The following VWA3A variants were observed in gnomAD, a reference collection of about 807,000 sequenced individuals.
VWA3A encodes von Willebrand factor A domain-containing protein 3A.
A neutral mutation model predicts 160.4 loss-of-function variants in VWA3A; 134 were observed. The observed-to-expected ratio is 0.84, with a 90% confidence interval of 0.73 to 0.96. VWA3A has a LOEUF of 0.96. Among genes scored for constraint, VWA3A ranks in the 40% least tolerant of loss-of-function variants. The pLI, the probability that VWA3A is intolerant of heterozygous loss-of-function variation, is 0.00. For synonymous variants in VWA3A, 476 were observed against 543.4 expected (o/e 0.88, Z 1.72); for missense variants, 1,310 against 1,447.9 (o/e 0.90, Z 1.55).
chr16:22,145,610 C>T (rs1033850846), intron 26 of VWA3A, among the ~76,000 whole-genome samples: 5 of 149,420 alleles, frequency 3.3e-5, no homozygotes, highest in Non-Finnish European at 5.9e-5. Flanking sequence ...CTGCACTACA[C>T]AGCCTGGGCA....
At chr16:22,093,329 G>T (rs1250981681) in intron 1 of VWA3A, among the ~76,000 whole-genome samples, 2 of 152,128 alleles carry the variant, frequency 1.3e-5, no homozygotes, top group African/African-American at 2.4e-5. Context: ...TGTATTTACT[G>T]TTAAGTAAAT....
chr16:22,143,721 C>T (rs891505336), intron 25 of VWA3A, among the ~76,000 whole-genome samples: 6 of 150,826 alleles, frequency 4.0e-5, no homozygotes, highest in African/African-American at 7.3e-5. Flanking sequence ...TTGTTCTTCA[C>T]CCCCACTATT....
intron 31 of VWA3A, among the ~76,000 whole-genome samples, chr16:22,153,584 T>G (rs944017890): frequency 6.6e-6 from 1 of 152,112 alleles, no homozygotes; most frequent in Non-Finnish European, 1.5e-5. Flanking sequence ...ACTTCTGACT[T>G]AATAGGAAAA....
At chr16:22,152,177 C>G (rs557547028) in intron 30 of VWA3A, among the ~76,000 whole-genome samples, 1 of 152,230 alleles carries the variant, frequency 6.6e-6, no homozygotes, top group African/African-American at 2.4e-5. Context: ...TGCCACTGCA[C>G]TCCAGCCTGG....
In VWA3A at chr16:22,148,285, A is replaced by G. The variant is rs2142017997; in HGVS notation, c.2963A>G (p.Gln988Arg). Residue 988 changes from glutamine to arginine, a missense_variant, in exon 28 of 34, where the codon CAG (glutamine) becomes CGG (arginine). Gln to Arg is a conservative substitution (Grantham distance 43, BLOSUM62 1). Transcript: ENST00000389398. ...KTELVLLIWE[Q>R]LRKCCDSFNL... ...GAGCTGGTTTTGCTGATTTGGGAAC[A>G]GCTGCGGAAGTGCTGTGACAGGTAG... 1 of 1,596,970 alleles carries G rather than the reference A, an allele frequency of 6.3e-7. No individual in the cohort carries two copies. The highest frequency in any genetic ancestry group is 1.7e-5 in the Admixed American group (1 of 57,200).
chr16:22,143,749 CTTT>C lies in VWA3A; in HGVS notation c.2593-485_2593-483del, dbSNP rs555474217. On this transcript the variant is annotated intron_variant, in intron 25 of 33. Transcript: ENST00000389398. ...CCACTATTTCTTTCTTTCTTTCTTTCTTTTTTTTTTTTTTTGAGACAGAGTTTC... is the reference window on the plus strand; with the variant it reads ...CCACTATTTCTTTCTTTCTTTCTTTCTTTTTTTTTTTTGAGACAGAGTTTC... Among the ~76,000 whole-genome samples the C allele has an allele frequency of 9.5e-3, 1,205 of 127,282 alleles. 14 individuals carry two copies. Among genetic ancestry groups the C allele is most frequent in the African/African-American group, 0.028 (1,078 of 37,868 alleles). 83.5% of individuals were successfully genotyped at this position (127,282 alleles called of 152,430 possible). A position where few individuals can be genotyped will look rare whatever the true frequency, so the allele number is the denominator to read the frequency against.
In VWA3A at chr16:22,135,756, T is replaced by G. The variant is rs146954930; in HGVS notation, c.2139+1318T>G. Among the ~76,000 whole-genome samples, 57 of 152,296 alleles carry G rather than the reference T, an allele frequency of 3.7e-4. No individual in the cohort carries two copies. The East Asian group carries it at 9.6e-3, about 26-fold the overall frequency. ...TTCCCATCCCAGACCTTTCATGGCT[T>G]GCTCCTTATCATTAGTTAGGGTTTT... is the stretch of plus-strand genomic sequence containing the variant. On this transcript the variant is annotated intron_variant, in intron 21 of 33. Transcript: ENST00000389398.
chr16:22,127,775 T>C (rs2045876810), intron 17 of VWA3A, among the ~76,000 whole-genome samples: 1 of 152,116 alleles, frequency 6.6e-6, no homozygotes, highest in African/African-American at 2.4e-5. Flanking sequence ...ACAAAACTCA[T>C]CCTCGAGGAA....
rs2046445404 is a variant in VWA3A at position 22,156,622 on chromosome 16, C to A, written c.*605C>A. The A allele has an allele frequency of 6.6e-6, 1 of 152,242 alleles. No homozygotes were observed. Among genetic ancestry groups the A allele is most frequent in the Non-Finnish European group, 1.5e-5 (1 of 68,104 alleles). The allele number at this position is 152,242 out of a possible 1,614,324, so 9.4% of individuals were successfully genotyped here. A position where few individuals can be genotyped will look rare whatever the true frequency, so the allele number is the denominator to read the frequency against. ...CACATGGTGAACAGTGAGCAGGCGGCTGAGCTGTGAGAGCCTAGCTCTGGA... is the reference window on the plus strand; with the variant it reads ...CACATGGTGAACAGTGAGCAGGCGGATGAGCTGTGAGAGCCTAGCTCTGGA... On this transcript the variant is annotated 3_prime_UTR_variant, in exon 34 of 34. Transcript: ENST00000389398.
At chr16:22,111,044 C>A (rs1197175589) in intron 8 of VWA3A, 50 bp downstream of exon 8, 1 of 1,480,218 alleles carries the variant, frequency 6.8e-7, no homozygotes, top group Non-Finnish European at 9.2e-7. Context: ...CATTTTCCTC[C>A]CTAACCAGCA....
At position 22,110,883 on chromosome 16, in the gene VWA3A, A is replaced by G; in HGVS notation, c.583-5A>G. The G allele has an allele frequency of 6.2e-7, 1 of 1,601,190 alleles. No homozygotes were observed. Among genetic ancestry groups the G allele is most frequent in the Non-Finnish European group, 8.5e-7 (1 of 1,174,164 alleles). The stretch of plus-strand genomic sequence containing the variant: ...GGGAGCCAGTGATGTCCTTTTGTCC[A>G]ACAGAGCCTCATCGATGAGCAGCTG... On this transcript the variant is annotated splice_region_variant and splice_polypyrimidine_tract_variant and intron_variant, in intron 7 of 33. Transcript: ENST00000389398.
At chr16:22,140,618 T>C (rs1156915346) in intron 23 of VWA3A, among the ~76,000 whole-genome samples, 1 of 151,060 alleles carries the variant, frequency 6.6e-6, no homozygotes, top group Non-Finnish European at 1.5e-5. Context: ...CTTTTTTTTT[T>C]TTTTTTTTTT....
At chr16:22,131,117 C>A in intron 17 of VWA3A, 88 bp from the exon 18 acceptor site, 1 of 1,188,392 alleles carries the variant, frequency 8.4e-7, no homozygotes, top group Non-Finnish European at 1.2e-6. Flanking sequence ...AGAATTTTGT[C>A]CCCACTAAAA....
intron 6 of VWA3A, among the ~76,000 whole-genome samples, chr16:22,105,793 T>C (rs1286777038): frequency 6.6e-6 from 1 of 152,252 alleles, no homozygotes; most frequent in Non-Finnish European, 1.5e-5. Flanking sequence ...TCATGGCAGC[T>C]TGTTTTTAAT....
In VWA3A at chr16:22,114,823, A is replaced by G. The variant is rs566691573; in HGVS notation, c.690-524A>G. 8.5e-4 allele frequency among the ~76,000 whole-genome samples: 125 copies of G among 146,452 alleles called. 4 individuals carry two copies. The South Asian group carries it at 0.027, about 32-fold the overall frequency. On this transcript the variant is annotated intron_variant, in intron 8 of 33. Transcript: ENST00000389398. Reference sequence around the variant, plus strand: ...CTATTTTTTTTTTTTTTTTTGAGATAGAGTCTCACTCTGTTGCCCAGGCTG... The same window carrying G: ...CTATTTTTTTTTTTTTTTTTGAGATGGAGTCTCACTCTGTTGCCCAGGCTG...
intron 8 of VWA3A, 64 bp from the exon 9 acceptor site, chr16:22,115,283 A>G: frequency 6.7e-7 from 1 of 1,489,216 alleles, no homozygotes; most frequent in South Asian, 1.3e-5. Flanking sequence ...CTCTAAAAAG[A>G]AATTAAAATG....
At chr16:22,118,210 G>T (rs182770039) in intron 11 of VWA3A, among the ~76,000 whole-genome samples, 2 of 152,324 alleles carry the variant, frequency 1.3e-5, no homozygotes, top group East Asian at 3.9e-4. Flanking sequence ...GAGCTCAGGA[G>T]TTTGAGGCTG....
intron 14 of VWA3A, among the ~76,000 whole-genome samples, chr16:22,122,513 A>G (rs912380767): frequency 2.6e-4 from 39 of 152,274 alleles, no homozygotes; most frequent in Admixed American, 1.4e-3. Context: ...GAATAGAAAG[A>G]TGGCAGAAAG....
At chr16:22,101,985 G>T (rs548898333) in intron 5 of VWA3A, among the ~76,000 whole-genome samples, 2 of 152,276 alleles carry the variant, frequency 1.3e-5, no homozygotes, top group Admixed American at 1.3e-4. Flanking sequence ...GCTCAGAAAG[G>T]TTACCACACC....
Sources: allele counts gnomAD v4.1 joint callset (sites outside exome capture counted in the v4.1 genomes callset), GRCh38; gene constraint gnomAD v4.1.1; transcripts MANE v1.5; gene names NCBI Gene and HGNC (gene_info 2026-07-23, HGNC 2026-07-21).